Variants in LPP observed in about 807,000 individuals in gnomAD.
LPP encodes LIM domain containing preferred translocation partner in lipoma, also known as lipoma-preferred partner.
A neutral mutation model predicts 60.4 loss-of-function variants in LPP; 38 were observed. The ratio of observed to expected loss-of-function variants is 0.63; its 90% CI spans 0.49 to 0.83. The LOEUF (loss-of-function observed/expected upper bound fraction) is 0.83, where lower values mean the gene tolerates loss of function less well. Ranked by LOEUF, LPP falls within the 40% of genes least tolerant of loss-of-function variation. The pLI, the probability that LPP is intolerant of heterozygous loss-of-function variation, is 0.00. For synonymous variants in LPP, 328 were observed against 290.8 expected (o/e 1.13, Z -1.30); for missense variants, 902 against 783.6 (o/e 1.15, Z -1.80).
intron 3 of LPP, among the ~76,000 whole-genome samples, chr3:188,369,023 C>A (rs1198284172): frequency 6.6e-6 from 1 of 152,102 alleles, no homozygotes; most frequent in Non-Finnish European, 1.5e-5. Context: ...TAGCTCATCT[C>A]CAAGTGCTTA....
At chr3:188,430,403 CT>C (rs1243748959) in intron 4 of LPP, among the ~76,000 whole-genome samples, 1 of 152,112 alleles carries the variant, frequency 6.6e-6, no homozygotes, top group Non-Finnish European at 1.5e-5. Flanking sequence ...TCTTCCTTCT[CT>C]CTGTCTATAC....
At chr3:188,779,101 G>A (rs1331537240) in intron 9 of LPP, among the ~76,000 whole-genome samples, 1 of 151,266 alleles carries the variant, frequency 6.6e-6, no homozygotes, top group Admixed American at 6.6e-5. Context: ...CAAAGAGTTT[G>A]AATTCAAATG....
intron 1 of LPP, among the ~76,000 whole-genome samples, chr3:188,215,865 A>G (rs1713338152): frequency 6.6e-6 from 1 of 152,202 alleles, no homozygotes; most frequent in Non-Finnish European, 1.5e-5. Flanking sequence ...GTGCTTCTCA[A>G]CTGGATGGTG....
chr3:188,386,264 GCACA>G lies in LPP; in HGVS notation c.-9-19807_-9-19804del, dbSNP rs1277848531. 4.3e-3 allele frequency among the ~76,000 whole-genome samples: 425 copies of G among 99,334 alleles called. 6 individuals carry two copies. The highest frequency in any genetic ancestry group is 0.016 in the African/African-American group (413 of 26,618). The allele number at this position is 99,334 out of a possible 152,430, so 65.2% of individuals were successfully genotyped here. A position where few individuals can be genotyped will look rare whatever the true frequency, so the allele number is the denominator to read the frequency against. On this transcript the variant is annotated intron_variant, in intron 3 of 11. Coordinates refer to ENST00000617246, the MANE Select transcript of LPP (RefSeq NM_001375462.1). The stretch of plus-strand genomic sequence containing the variant: ...ATAGCACTTAAGTCATAGCATGCGC[GCACA>G]CACACACACACACACACACACACAC...
intron 9 of LPP, among the ~76,000 whole-genome samples, chr3:188,809,455 T>C (rs558931057): frequency 6.6e-6 from 1 of 152,314 alleles, no homozygotes; most frequent in East Asian, 1.9e-4. Flanking sequence ...CTTTTTTTCA[T>C]GTTTGTTGAC....
At chr3:188,308,208 G>A (rs1032721746) in intron 2 of LPP, among the ~76,000 whole-genome samples, 3 of 151,898 alleles carry the variant, frequency 2.0e-5, no homozygotes, top group African/African-American at 4.8e-5. Flanking sequence ...GCAGTTTCTC[G>A]GTTTTATTTA....
chr3:188,761,019 A>T (rs1312029260), intron 9 of LPP, among the ~76,000 whole-genome samples: 3 of 152,184 alleles, frequency 2.0e-5, no homozygotes, highest in Non-Finnish European at 4.4e-5. Context: ...TGGTAGAGTA[A>T]TTTGATGAAT....
chr3:188,665,585 G>T (rs192987270), intron 7 of LPP, among the ~76,000 whole-genome samples: 1 of 150,726 alleles, frequency 6.6e-6, no homozygotes, highest in African/African-American at 2.4e-5. Context: ...TCAGCCTCCC[G>T]AGGAGCTGGG....
chr3:188,658,399 G>C (rs1015289855), intron 7 of LPP, among the ~76,000 whole-genome samples: 1 of 107,418 alleles, frequency 9.3e-6, no homozygotes, highest in Non-Finnish European at 1.9e-5. Context: ...GCCTGCCTTG[G>C]CCTCCTAACT....
intron 4 of LPP, among the ~76,000 whole-genome samples, chr3:188,472,096 A>G (rs1430436748): frequency 6.6e-6 from 1 of 152,210 alleles, no homozygotes; most frequent in Non-Finnish European, 1.5e-5. Context: ...TGATTCTCAA[A>G]TCACTAAAAT....
chr3:188,224,589 T>C (rs1419195452), intron 1 of LPP, among the ~76,000 whole-genome samples: 1 of 152,164 alleles, frequency 6.6e-6, no homozygotes, highest in East Asian at 1.9e-4. Context: ...GGGTCATGGT[T>C]CTGCAGTCTG....
At chr3:188,226,360 A>G (rs1456646026) in intron 2 of LPP, among the ~76,000 whole-genome samples, 1 of 152,172 alleles carries the variant, frequency 6.6e-6, no homozygotes, top group African/African-American at 2.4e-5. Flanking sequence ...AAATTTGCTT[A>G]GGCAAAGGGT....
chr3:188,796,930 T>G (rs574250581), intron 9 of LPP, among the ~76,000 whole-genome samples: 2 of 152,168 alleles, frequency 1.3e-5, no homozygotes, highest in Non-Finnish European at 2.9e-5. Flanking sequence ...AGATATCTTA[T>G]TCTTCATCCC....
chr3:188,399,839 T>C (rs550514784), intron 3 of LPP, among the ~76,000 whole-genome samples: 5 of 152,330 alleles, frequency 3.3e-5, no homozygotes, highest in East Asian at 1.9e-4. Context: ...GAGTAGCATA[T>C]TGATTTGGAC....
intron 9 of LPP, among the ~76,000 whole-genome samples, chr3:188,831,359 T>A (rs1043465601): frequency 6.6e-6 from 1 of 152,202 alleles, no homozygotes; most frequent in African/African-American, 2.4e-5. Flanking sequence ...TCCCAGCAGT[T>A]AGGAGAGAGA....
chr3:188,232,359 T>G (rs892221068), intron 2 of LPP, among the ~76,000 whole-genome samples: 1 of 152,038 alleles, frequency 6.6e-6, no homozygotes, highest in African/African-American at 2.4e-5. Context: ...TTATTCTTTT[T>G]TTTTTGAGAT....
intron 2 of LPP, among the ~76,000 whole-genome samples, chr3:188,295,660 C>A (rs922949263): frequency 2.0e-5 from 3 of 152,152 alleles, no homozygotes; most frequent in Non-Finnish European, 4.4e-5. Context: ...GCCTCAGCCT[C>A]CCGAGTAACC....
intron 1 of LPP, among the ~76,000 whole-genome samples, chr3:188,170,027 C>T (rs1435555263): frequency 6.6e-6 from 1 of 152,150 alleles, no homozygotes; most frequent in Non-Finnish European, 1.5e-5. Flanking sequence ...AGAGCATCAT[C>T]GGGAACAGAA....
At chr3:188,644,953 G>A (rs1386965337) in intron 7 of LPP, among the ~76,000 whole-genome samples, 1 of 152,206 alleles carries the variant, frequency 6.6e-6, no homozygotes, top group African/African-American at 2.4e-5. Flanking sequence ...TAGTAACTAT[G>A]TGTGACCTTG....
Sources: gnomAD v4.1 joint callset for allele counts (sites outside exome capture counted in the v4.1 genomes callset) on GRCh38, gnomAD v4.1.1 for gene constraint, MANE v1.5 for transcripts, NCBI Gene and HGNC (gene_info 2026-07-23, HGNC 2026-07-21) for gene names.